Variants in MTSS1 observed in about 807,000 individuals in gnomAD.
MTSS1 encodes protein MTSS 1.
MTSS1 carries 18 observed loss-of-function variants against 79.0 expected under a neutral mutation model. The observed-to-expected ratio is 0.23, with a 90% CI of 0.16 to 0.34. The LOEUF is 0.34. MTSS1 is among the 10% of genes least tolerant of loss of function. The probability of loss-of-function intolerance (pLI) is 1.00; values close to 1 mark genes in which losing one functional copy is unlikely to be tolerated. For missense variants in MTSS1, 815 were observed against 986.2 expected, an observed-to-expected ratio of 0.83 and a Z score of 2.33; for synonymous variants, 341 against 368.6, an observed-to-expected ratio of 0.93 and a Z score of 0.86.
intron 3 of MTSS1, among the ~76,000 whole-genome samples, chr8:124,605,126 G>C (rs938261613): frequency 2.6e-5 from 4 of 152,064 alleles, no homozygotes; most frequent in African/African-American, 9.7e-5. Context: ...ACCCTGTGGG[G>C]GTGTCACCTG....
intron 3 of MTSS1, among the ~76,000 whole-genome samples, chr8:124,609,606 G>A (rs1377666858): frequency 1.3e-5 from 2 of 152,180 alleles, no homozygotes; most frequent in African/African-American, 2.4e-5. Flanking sequence ...TTCAAAGGCA[G>A]GGAAGGAAAG....
intron 3 of MTSS1, among the ~76,000 whole-genome samples, chr8:124,624,389 T>C (rs1187773326): frequency 6.6e-6 from 1 of 152,164 alleles, no homozygotes; most frequent in African/African-American, 2.4e-5. Context: ...CTGGGAGGCA[T>C]GGACCAGACA....
At chr8:124,648,711 C>CCCCCA in intron 3 of MTSS1, among the ~76,000 whole-genome samples, 1 of 149,076 alleles carries the variant, frequency 6.7e-6, no homozygotes, top group African/African-American at 2.5e-5. Flanking sequence ...AAATAGCAGC[C>CCCCCA]CCCCCCCAGA....
chr8:124,570,623 C>CG, intron 6 of MTSS1, among the ~76,000 whole-genome samples: 1 of 152,208 alleles, frequency 6.6e-6, no homozygotes, highest in East Asian at 1.9e-4. Flanking sequence ...TAGGCATCCA[C>CG]GGGGGGTCTT....
intron 3 of MTSS1, chr8:124,699,214 G>A: frequency 3.5e-6 from 1 of 283,708 alleles, no homozygotes; most frequent in Middle Eastern, 1.1e-3. Context: ...AACGCAAATT[G>A]CAACCAAAGG....
At chr8:124,565,208 C>T (rs1040789822) in intron 9 of MTSS1, among the ~76,000 whole-genome samples, 2 of 152,200 alleles carry the variant, frequency 1.3e-5, no homozygotes, top group African/African-American at 4.8e-5. Context: ...AGAGCAAGAA[C>T]TCTATTTACT....
At chr8:124,561,214 C>T (rs1332017845) in intron 10 of MTSS1, among the ~76,000 whole-genome samples, 1 of 152,166 alleles carries the variant, frequency 6.6e-6, no homozygotes, top group African/African-American at 2.4e-5. Flanking sequence ...GGCGGATCAC[C>T]TGAGGTCAGC....
intron 3 of MTSS1, among the ~76,000 whole-genome samples, chr8:124,691,149 G>A (rs986350546): frequency 6.6e-6 from 1 of 152,164 alleles, no homozygotes; most frequent in Non-Finnish European, 1.5e-5. Flanking sequence ...TTAAAATGAC[G>A]CAAGACAAAT....
chr8:124,651,834 T>A (rs1437296688), intron 3 of MTSS1, among the ~76,000 whole-genome samples: 1 of 152,114 alleles, frequency 6.6e-6, no homozygotes, highest in African/African-American at 2.4e-5. Flanking sequence ...CTCTTTCATA[T>A]CTCAGAGCTG....
At chr8:124,599,397 C>A (rs776579295) in intron 3 of MTSS1, among the ~76,000 whole-genome samples, 4 of 149,180 alleles carry the variant, frequency 2.7e-5, no homozygotes, top group Non-Finnish European at 5.9e-5. Context: ...GCAGGAGAAT[C>A]ACTTGAACCC....
chr8:124,572,067 T>A (rs904453166), intron 6 of MTSS1, among the ~76,000 whole-genome samples: 1 of 152,180 alleles, frequency 6.6e-6, no homozygotes, highest in African/African-American at 2.4e-5. Context: ...AAGGCACATG[T>A]CTATCCATAA....
At chr8:124,636,452 ATT>A (rs1227854572) in intron 3 of MTSS1, among the ~76,000 whole-genome samples, 3 of 152,134 alleles carry the variant, frequency 2.0e-5, no homozygotes, top group Admixed American at 2.0e-4. Context: ...GCCTTTCTCT[ATT>A]TTCTAAATGT....
At chr8:124,653,890 G>T (rs1037928525) in intron 3 of MTSS1, among the ~76,000 whole-genome samples, 26 of 152,140 alleles carry the variant, frequency 1.7e-4, no homozygotes, top group African/African-American at 6.3e-4. Flanking sequence ...GACACAAATC[G>T]CATTCAACAG....
At chr8:124,556,434 A>C in intron 11 of MTSS1, 29 bp from the exon 12 acceptor site, 3 of 1,580,242 alleles carry the variant, frequency 1.9e-6, no homozygotes, top group Non-Finnish European at 2.6e-6. Flanking sequence ...GTCAGGAGCC[A>C]GGGCCTCTGC....
At chr8:124,562,537 G>T (rs139599813) in intron 10 of MTSS1, among the ~76,000 whole-genome samples, 81 of 152,282 alleles carry the variant, frequency 5.3e-4, no homozygotes, top group African/African-American at 1.9e-3. Context: ...ATCTACTTAC[G>T]TGAGAGCTCC....
At chr8:124,564,722 C>CACACACACACACACACACAATT (rs1563758680) in intron 9 of MTSS1, 1 of 150,716 alleles carries the variant, frequency 6.6e-6, no homozygotes, top group Non-Finnish European at 1.5e-5. Flanking sequence ...CACACACAGT[C>CACACACACACACACACACAATT]GACAGAAGAT....
chr8:124,661,938 G>A (rs1247235709), intron 3 of MTSS1, among the ~76,000 whole-genome samples: 1 of 152,210 alleles, frequency 6.6e-6, no homozygotes, highest in Non-Finnish European at 1.5e-5. Flanking sequence ...GTGTCTAGCA[G>A]ATAGGAGAGG....
At chr8:124,619,605 G>C (rs1813061708) in intron 3 of MTSS1, 1 of 152,286 alleles carries the variant, frequency 6.6e-6, no homozygotes, top group Non-Finnish European at 1.5e-5. Flanking sequence ...GGAGGGAGGA[G>C]GTGTCATTAA....
chr8:124,709,914 C>A (rs996276848), intron 1 of MTSS1, among the ~76,000 whole-genome samples: 1 of 152,258 alleles, frequency 6.6e-6, no homozygotes, highest in Non-Finnish European at 1.5e-5. Flanking sequence ...CCCTTCCCAC[C>A]TACCCTCTGG....
Sources: gnomAD v4.1 joint callset for allele counts (sites outside exome capture counted in the v4.1 genomes callset) on GRCh38, gnomAD v4.1.1 for gene constraint, MANE v1.5 for transcripts, NCBI Gene and HGNC (gene_info 2026-07-23, HGNC 2026-07-21) for gene names.